The following SCN2A variants were observed in gnomAD, a reference collection of about 807,000 sequenced individuals.
The protein encoded by SCN2A is sodium channel protein type 2 subunit alpha.
In SCN2A, 20 loss-of-function variants were observed where a neutral mutation model predicts 188.7. That is an observed-to-expected ratio of 0.11 (90% CI 0.07 to 0.15). The LOEUF (loss-of-function observed/expected upper bound fraction) is 0.15, where lower values mean the gene tolerates loss of function less well. Among genes scored for constraint, SCN2A ranks in the 10% least tolerant of loss-of-function variants. The pLI is 1.00. For synonymous variants in SCN2A, 804 were observed against 833.1 expected (o/e 0.97, Z 0.60); for missense variants, 1,278 against 2,445.0 (o/e 0.52, Z 10.07).
intron 20 of SCN2A, chr2:165,372,323 A>G (rs1467747790): frequency 6.6e-6 from 1 of 152,136 alleles, no homozygotes; most frequent in African/African-American, 2.4e-5. Flanking sequence ...GTTTTTTGTA[A>G]CAACTTTCAA....
chr2:165,366,056 C>T lies in SCN2A; in HGVS notation c.3520+793C>T, dbSNP rs527958537. Among the ~76,000 whole-genome samples, 11 of 152,292 alleles carry T rather than the reference C, an allele frequency of 7.2e-5. No homozygotes were observed. In the South Asian group the frequency reaches 2.1e-3, roughly 29 times the overall value. ...AAGTTTTACTTGTATCATTGTTTCT[C>T]TATTCTTACAGCTTCATTTTCTACA... On this transcript the variant is annotated intron_variant, in intron 18 of 26. Coordinates refer to ENST00000375437, the MANE Select transcript of SCN2A (RefSeq NM_001040142.2).
rs546627471 is a variant in SCN2A at position 165,279,454 on chromosome 2, G to T, written c.-51-16319G>T. Among the ~76,000 whole-genome samples, 3 of 152,254 alleles carry T rather than the reference G, an allele frequency of 2.0e-5. No individual in the cohort carries two copies. The East Asian group carries it at 5.8e-4, about 29-fold the overall frequency. ...TATAAAGGATGGAAATGAAAGCTAA[G>T]ATCAGAGCACAAAAGGATAACATAT... On this transcript the variant is annotated intron_variant, in intron 1 of 26. Transcript: ENST00000375437.
rs926762361 is a variant in SCN2A at position 165,309,345 on chromosome 2, A to T, written c.606-7A>T. ...CATTGTGTTTGTGTGTGAACCCCCT[A>T]TTACAGATATGTGACAGAGTTTGTG... On this transcript the variant is annotated splice_region_variant and splice_polypyrimidine_tract_variant and intron_variant, in intron 5 of 26. Coordinates refer to ENST00000375437, the MANE Select transcript of SCN2A (RefSeq NM_001040142.2). 2 of 1,613,480 alleles carry T rather than the reference A, an allele frequency of 1.2e-6. No homozygotes were observed. Among genetic ancestry groups the T allele is most frequent in the Admixed American group, 1.7e-5 (1 of 59,922 alleles).
At chr2:165,275,933 C>A (rs545953493) in intron 1 of SCN2A, among the ~76,000 whole-genome samples, 1 of 152,208 alleles carries the variant, frequency 6.6e-6, no homozygotes, top group African/African-American at 2.4e-5. Context: ...CAGGTTTTCA[C>A]CATGTTGGCC....
chr2:165,256,443 A>G (rs1052960375), intron 1 of SCN2A, among the ~76,000 whole-genome samples: 1 of 152,146 alleles, frequency 6.6e-6, no homozygotes, highest in African/African-American at 2.4e-5. Flanking sequence ...TCAATTTACT[A>G]TCTTTAATGA....
chr2:165,317,608 CA>C (rs1697830534), intron 11 of SCN2A, among the ~76,000 whole-genome samples: 1 of 152,028 alleles, frequency 6.6e-6, no homozygotes, highest in Non-Finnish European at 1.5e-5. Context: ...TAATTCTAGG[CA>C]AAATAGTGAA....
intron 12 of SCN2A, among the ~76,000 whole-genome samples, chr2:165,325,734 T>A (rs901377709): frequency 6.6e-6 from 1 of 152,188 alleles, no homozygotes; most frequent in Non-Finnish European, 1.5e-5. Flanking sequence ...GATAGGTTAT[T>A]TCTTTTCTTA....
chr2:165,364,762 G>A (rs1700636992), intron 17 of SCN2A, among the ~76,000 whole-genome samples: 2 of 152,072 alleles, frequency 1.3e-5, no homozygotes, highest in South Asian at 4.1e-4. Context: ...CATTGGTTGG[G>A]TCACAATTTT....
In SCN2A at chr2:165,342,475, T is replaced by C. The variant is rs1306214003; in HGVS notation, c.2562+6T>C. ...TTCTCCGATCATTCCGGCTGGTAAATTAACTGGGAGTGTTCATAAAATGTA... is the reference window on the plus strand; with the variant it reads ...TTCTCCGATCATTCCGGCTGGTAAACTAACTGGGAGTGTTCATAAAATGTA... On this transcript the variant is annotated splice_donor_region_variant and intron_variant, in intron 15 of 26. Transcript: ENST00000375437. The C allele has an allele frequency of 6.2e-7, 1 of 1,613,970 alleles. No individual in the cohort carries two copies. The highest frequency in any genetic ancestry group is 1.1e-5 in the South Asian group (1 of 91,068).
At chr2:165,327,657 A>G (rs1325769032) in intron 13 of SCN2A, 1 of 152,902 alleles carries the variant, frequency 6.5e-6, no homozygotes, top group Non-Finnish European at 1.5e-5. Flanking sequence ...TCTCCTCATC[A>G]GTAAAATGTG....
intron 14 of SCN2A, among the ~76,000 whole-genome samples, chr2:165,339,330 C>T (rs1459301147): frequency 6.6e-6 from 1 of 151,662 alleles, no homozygotes; most frequent in Non-Finnish European, 1.5e-5. Context: ...AAATTGAGTG[C>T]TTTCCCCTTA....
chr2:165,335,734 G>GA (rs1477273720), intron 14 of SCN2A, among the ~76,000 whole-genome samples: 1 of 150,842 alleles, frequency 6.6e-6, no homozygotes, highest in Non-Finnish European at 1.5e-5. Context: ...ATAGCAATAA[G>GA]AAAAAAAAGG....
At position 165,323,213 on chromosome 2, in the gene SCN2A, C is replaced by T. The variant is rs796053187; in HGVS notation, c.1729C>T (p.Leu577Phe). The stretch of plus-strand genomic sequence containing the variant: ...TCCAAGACGCAACAGTAGGGCGAGC[C>T]TTTTCAGCTTCAGAGGTCGAGCAAA... ...FSPRRNSRAS[L>F]FSFRGRAKDI... The change falls in exon 12 of 27, where the codon CTT becomes TTT. Residue 577 changes from leucine to phenylalanine, a missense_variant. By Grantham distance (22) the Leu-to-Phe change is conservative. Coordinates refer to ENST00000375437, the MANE Select transcript of SCN2A (RefSeq NM_001040142.2). 1.2e-6 allele frequency: 2 copies of T among 1,614,068 alleles called. No individual in the cohort carries two copies. Among genetic ancestry groups the T allele is most frequent in the Non-Finnish European group, 1.7e-6 (2 of 1,180,046 alleles).
chr2:165,293,728 A>G, intron 1 of SCN2A: 1 of 494,866 alleles, frequency 2.0e-6, no homozygotes, highest in Non-Finnish European at 2.6e-6. Context: ...GCATGAGGAG[A>G]AGCATTATCT....
intron 1 of SCN2A, chr2:165,270,938 G>A (rs182077618): frequency 7.9e-5 from 12 of 152,154 alleles, no homozygotes; most frequent in Non-Finnish European, 8.8e-5. Context: ...GGCCAGTGAC[G>A]TAGCCTTATT....
intron 1 of SCN2A, among the ~76,000 whole-genome samples, chr2:165,281,769 G>C (rs923809168): frequency 6.6e-6 from 1 of 152,178 alleles, no homozygotes; most frequent in African/African-American, 2.4e-5. Flanking sequence ...TACCAGGGCT[G>C]GCTTCGTGGG....
chr2:165,370,819 G>A, intron 20 of SCN2A: 1 of 157,784 alleles, frequency 6.3e-6, no homozygotes, highest in Admixed American at 6.0e-5. Context: ...AAACCACATT[G>A]GTGTTGAAAT....
chr2:165,345,014 C>A, intron 16 of SCN2A, 103 bp downstream of exon 16: 5 of 1,405,356 alleles, frequency 3.6e-6, no homozygotes, highest in Admixed American at 3.7e-5. Context: ...ATCAAGGCCA[C>A]TTCCTATTGT....
intron 1 of SCN2A, among the ~76,000 whole-genome samples, chr2:165,284,059 T>C (rs113617665): frequency 6.6e-6 from 1 of 150,764 alleles, no homozygotes; most frequent in Non-Finnish European, 1.5e-5. Flanking sequence ...CTCTCTCTCT[T>C]TCTCTCTCTC....
Sources: gnomAD v4.1 joint callset for allele counts (sites outside exome capture counted in the v4.1 genomes callset) on GRCh38, gnomAD v4.1.1 for gene constraint, MANE v1.5 for transcripts, NCBI Gene and HGNC (gene_info 2026-07-23, HGNC 2026-07-21) for gene names.